The following SLCO1A2 variants were observed in gnomAD, a reference collection of about 807,000 sequenced individuals.
SLCO1A2 encodes the protein solute carrier organic anion transporter family member 1A2, also known as OATP-1.
SLCO1A2 carries 67 observed loss-of-function variants against 69.0 expected under a neutral mutation model. The observed-to-expected ratio is 0.97, with a 90% CI of 0.80 to 1.19. The LOEUF is 1.19. SLCO1A2 is among the 50% of genes most tolerant of loss of function. The pLI, the probability that SLCO1A2 is intolerant of heterozygous loss-of-function variation, is 0.00. For missense variants in SLCO1A2, 787 were observed against 793.7 expected (o/e 0.99, Z 0.10); for synonymous variants, 260 against 265.9 (o/e 0.98, Z 0.22).
At chr12:21,296,075 T>C (rs147887400) in intron 9 of SLCO1A2, among the ~76,000 whole-genome samples, 3 of 152,304 alleles carry the variant, frequency 2.0e-5, no homozygotes, top group African/African-American at 7.2e-5. Context: ...GAGATCATGA[T>C]AAAAATCTCT....
chr12:21,382,703 G>A (rs1001877284), intron 1 of SLCO1A2, among the ~76,000 whole-genome samples: 3 of 150,634 alleles, frequency 2.0e-5, no homozygotes, highest in African/African-American at 7.4e-5. Context: ...GCTGAGACGG[G>A]AGAGTCGCTT....
At chr12:21,333,309 T>A (rs970980880) in intron 2 of SLCO1A2, among the ~76,000 whole-genome samples, 1 of 152,120 alleles carries the variant, frequency 6.6e-6, no homozygotes, top group Admixed American at 6.6e-5. Flanking sequence ...GTGAAAGAAA[T>A]CAGTGGCTAT....
intron 1 of SLCO1A2, among the ~76,000 whole-genome samples, chr12:21,384,672 T>G (rs1224910229): frequency 6.6e-6 from 1 of 152,018 alleles, no homozygotes; most frequent in African/African-American, 2.4e-5. Context: ...GATAACAAAC[T>G]GCATTAATAA....
intron 1 of SLCO1A2, among the ~76,000 whole-genome samples, chr12:21,403,141 A>C (rs1941760907): frequency 6.6e-6 from 1 of 152,144 alleles, no homozygotes; most frequent in African/African-American, 2.4e-5. Context: ...ATTTAAATGT[A>C]CTTCTAACGC....
intron 2 of SLCO1A2, among the ~76,000 whole-genome samples, chr12:21,348,825 A>G (rs925789318): frequency 2.6e-5 from 4 of 152,220 alleles, no homozygotes; most frequent in Non-Finnish European, 5.9e-5. Flanking sequence ...GCTACTCTGA[A>G]TAATACAATA....
chr12:21,350,574 C>T (rs1293362722), intron 2 of SLCO1A2, among the ~76,000 whole-genome samples: 7 of 151,990 alleles, frequency 4.6e-5, no homozygotes, highest in South Asian at 4.1e-4. Flanking sequence ...CAGTGGCTCA[C>T]GCCTGTAATC....
intron 2 of SLCO1A2, among the ~76,000 whole-genome samples, chr12:21,363,389 T>C (rs1939094130): frequency 6.6e-6 from 1 of 152,116 alleles, no homozygotes; most frequent in Non-Finnish European, 1.5e-5. Context: ...GGGACACATT[T>C]AAAGCTGTAT....
intron 1 of SLCO1A2, among the ~76,000 whole-genome samples, chr12:21,384,986 C>T (rs1428533032): frequency 6.6e-6 from 1 of 151,902 alleles, no homozygotes; most frequent in East Asian, 1.9e-4. Context: ...AGGATGGTCT[C>T]GATCTCCTGA....
At chr12:21,276,713 G>C (rs2040023945) in intron 12 of SLCO1A2, among the ~76,000 whole-genome samples, 1 of 152,168 alleles carries the variant, frequency 6.6e-6, no homozygotes, top group African/African-American at 2.4e-5. Flanking sequence ...ACATGGCATG[G>C]AGAAGGAATC....
chr12:21,355,284 T>C (rs1408613726), intron 2 of SLCO1A2, among the ~76,000 whole-genome samples: 1 of 152,124 alleles, frequency 6.6e-6, no homozygotes, highest in Non-Finnish European at 1.5e-5. Flanking sequence ...CATCACTATT[T>C]CCTGAAGTAT....
chr12:21,342,496 A>ATATAGT (rs1953102907), intron 2 of SLCO1A2, among the ~76,000 whole-genome samples: 2 of 152,060 alleles, frequency 1.3e-5, no homozygotes, highest in African/African-American at 4.8e-5. Flanking sequence ...TTATTTTAAC[A>ATATAGT]AATTAAAACA....
rs927837857 is a variant in SLCO1A2, at chr12:21,415,629, T to C, written c.-312+2253A>G. 5.1e-4 allele frequency among the ~76,000 whole-genome samples: 77 copies of C among 152,248 alleles called. 1 individual carries two copies. The highest frequency in any genetic ancestry group is 3.1e-4 in the Non-Finnish European group (21 of 67,994). On this transcript the variant is annotated intron_variant, in intron 1 of 4. Transcript: ENST00000413682. ...TTTATTGTGGACCCCAGTGTTGCAA[T>C]TGAGGAACCTGAGATTGATATTTTC...
chr12:21,333,453 C>A (rs1952733308), intron 2 of SLCO1A2, among the ~76,000 whole-genome samples: 1 of 152,056 alleles, frequency 6.6e-6, no homozygotes, highest in South Asian at 2.1e-4. Context: ...TTCTTTCATG[C>A]TTCCTAATGA....
chr12:21,282,258 G>A (rs1944932134), intron 12 of SLCO1A2, among the ~76,000 whole-genome samples: 1 of 152,000 alleles, frequency 6.6e-6, no homozygotes, highest in East Asian at 1.9e-4. Flanking sequence ...ATTTATCCCA[G>A]AGATGCAAGA....
chr12:21,320,485 TTTGTTTTGTTTTGTG>T (rs964734683), intron 2 of SLCO1A2, among the ~76,000 whole-genome samples: 8 of 152,072 alleles, frequency 5.3e-5, no homozygotes, highest in Non-Finnish European at 1.0e-4. Flanking sequence ...CTCTCTCTTT[TTTGTTTTGTTTTGTG>T]TTGTTTTGTT....
intron 14 of SLCO1A2, among the ~76,000 whole-genome samples, chr12:21,270,736 A>G (rs560644642): frequency 6.6e-6 from 1 of 151,726 alleles, no homozygotes; most frequent in African/African-American, 2.4e-5. Context: ...TTGTCTAGAA[A>G]AATATCTATT....
chr12:21,374,958 C>T (rs1940084007), intron 1 of SLCO1A2, among the ~76,000 whole-genome samples: 1 of 151,938 alleles, frequency 6.6e-6, no homozygotes, highest in African/African-American at 2.4e-5. Context: ...GGACCACAGG[C>T]ACCTGCCACC....
rs796513737 is a variant in SLCO1A2 at position 21,359,401 on chromosome 12, GA to G, written c.-63+14997del. ...TTCACTCCTTGTGTAAAACATTAGT[GA>G]AAAAAAAAACACAAACCTGAAATCG... On this transcript the variant is annotated intron_variant, in intron 2 of 15. Transcript: ENST00000307378. 6.1e-5 allele frequency among the ~76,000 whole-genome samples: 9 copies of G among 146,818 alleles called. No homozygotes were observed. The South Asian group carries it at 6.5e-4, about 11-fold the overall frequency.
intron 12 of SLCO1A2, among the ~76,000 whole-genome samples, chr12:21,278,401 G>A (rs1019982807): frequency 2.6e-5 from 4 of 151,970 alleles, no homozygotes; most frequent in South Asian, 4.2e-4. Flanking sequence ...AACATAGGTG[G>A]CAGCCAGGTA....
Sources: gnomAD v4.1 joint callset for allele counts (sites outside exome capture counted in the v4.1 genomes callset) on GRCh38, gnomAD v4.1.1 for gene constraint, MANE v1.5 for transcripts, NCBI Gene and HGNC (gene_info 2026-07-23, HGNC 2026-07-21) for gene names.